EYS: variants seen among roughly 807,000 people sequenced by gnomAD.
EYS encodes EGF-like photoreceptor maintenance factor.
In EYS, 250 loss-of-function variants were observed where a neutral mutation model predicts 282.1. The observed-to-expected ratio is 0.89, with a 90% CI of 0.80 to 0.98. The LOEUF is 0.98. EYS is among the 50% of genes least tolerant of loss of function. The probability of loss-of-function intolerance (pLI) is 0.00; values close to 1 mark genes in which losing one functional copy is unlikely to be tolerated. For synonymous variants in EYS, 1,355 were observed against 1,282.9 expected, an observed-to-expected ratio of 1.06 and a Z score of -1.20; for missense variants, 4,016 against 3,709.0, an observed-to-expected ratio of 1.08 and a Z score of -2.15.
At position 64,971,153 on chromosome 6, in the gene EYS, G is replaced by A. The variant is rs983723963; in HGVS notation, c.2260-25239C>T. 2.6e-5 allele frequency among the ~76,000 whole-genome samples: 4 copies of A among 152,148 alleles called. No individual in the cohort carries two copies. In the East Asian group the frequency reaches 7.7e-4, roughly 29 times the overall value. ...GGATGGCTTGATAATTTTAGGAAGA[G>A]TTTGGCTTAATACATTTCAAGATAA... On this transcript the variant is annotated intron_variant, in intron 14 of 42. Coordinates refer to ENST00000503581, the MANE Select transcript of EYS (RefSeq NM_001142800.2).
intron 36 of EYS, among the ~76,000 whole-genome samples, chr6:63,824,354 A>G (rs547388364): frequency 1.3e-5 from 2 of 152,218 alleles, no homozygotes; most frequent in Non-Finnish European, 2.9e-5. Flanking sequence ...GAAGATTTTT[A>G]CTGTGAGTGG....
At chr6:64,987,404 C>T (rs1323572589) in intron 14 of EYS, among the ~76,000 whole-genome samples, 1 of 151,580 alleles carries the variant, frequency 6.6e-6, no homozygotes, top group Admixed American at 6.6e-5. Context: ...CTCAACCTCA[C>T]CTTCTATTCA....
At chr6:65,011,732 C>T (rs956745439) in intron 13 of EYS, among the ~76,000 whole-genome samples, 3 of 152,176 alleles carry the variant, frequency 2.0e-5, no homozygotes, top group South Asian at 4.1e-4. Flanking sequence ...AAACAAGAGG[C>T]TTGCAACTTA....
intron 28 of EYS, among the ~76,000 whole-genome samples, chr6:64,409,125 T>G (rs548181907): frequency 6.6e-6 from 1 of 152,276 alleles, no homozygotes; most frequent in Non-Finnish European, 1.5e-5. Flanking sequence ...AGGATGTGAT[T>G]TCATTCCCTT....
chr6:63,982,711 A>T (rs893612595), intron 35 of EYS, among the ~76,000 whole-genome samples: 1 of 151,726 alleles, frequency 6.6e-6, no homozygotes, highest in African/African-American at 2.4e-5. Flanking sequence ...CACAGGTTTC[A>T]CCCACAGTCA....
intron 24 of EYS, among the ~76,000 whole-genome samples, chr6:64,611,287 G>A (rs1767108962): frequency 6.8e-6 from 1 of 147,764 alleles, no homozygotes; most frequent in Admixed American, 6.6e-5. Context: ...CCACTATGTG[G>A]TGCAGATTAA....
At chr6:64,939,314 A>G (rs1769012957) in intron 15 of EYS, among the ~76,000 whole-genome samples, 1 of 151,892 alleles carries the variant, frequency 6.6e-6, no homozygotes, top group African/African-American at 2.4e-5. Context: ...CAAATAATAT[A>G]TCAAAAATCT....
chr6:64,841,948 T>G (rs1426279644), intron 19 of EYS, among the ~76,000 whole-genome samples: 1 of 152,060 alleles, frequency 6.6e-6, no homozygotes, highest in Non-Finnish European at 1.5e-5. Flanking sequence ...ATCAAGCAAG[T>G]GATGGAAATG....
intron 12 of EYS, among the ~76,000 whole-genome samples, chr6:65,131,394 C>G: frequency 6.6e-6 from 1 of 151,538 alleles, no homozygotes. Context: ...GATCACAGCA[C>G]AATAAAAAAT....
chr6:65,411,468 A>G (rs1767008723), intron 5 of EYS, among the ~76,000 whole-genome samples: 1 of 152,100 alleles, frequency 6.6e-6, no homozygotes, highest in South Asian at 2.1e-4. Context: ...TAACTATAAC[A>G]CTATATCAAA....
At chr6:64,992,031 T>A (rs1771082765) in intron 14 of EYS, among the ~76,000 whole-genome samples, 1 of 151,748 alleles carries the variant, frequency 6.6e-6, no homozygotes, top group African/African-American at 2.4e-5. Flanking sequence ...TTATAAATTA[T>A]CTAAATGCCT....
At chr6:64,045,722 C>T (rs908364809) in intron 33 of EYS, among the ~76,000 whole-genome samples, 24 of 151,082 alleles carry the variant, frequency 1.6e-4, no homozygotes, top group Non-Finnish European at 3.1e-4. Context: ...GCTGGGATTA[C>T]AGGCGTGAGC....
chr6:64,423,781 C>T (rs951516275), intron 28 of EYS, among the ~76,000 whole-genome samples: 1 of 152,092 alleles, frequency 6.6e-6, no homozygotes, highest in East Asian at 1.9e-4. Context: ...GCACTCCAGC[C>T]TGGACGACAG....
intron 35 of EYS, among the ~76,000 whole-genome samples, chr6:63,869,243 C>T (rs1017628881): frequency 6.6e-6 from 1 of 152,020 alleles, no homozygotes; most frequent in Admixed American, 6.6e-5. Context: ...AATGGAAAAT[C>T]CATAAACAAT....
intron 22 of EYS, among the ~76,000 whole-genome samples, chr6:64,645,931 C>T (rs1364327008): frequency 1.3e-5 from 2 of 152,130 alleles, no homozygotes; most frequent in African/African-American, 4.8e-5. Context: ...CTATTCTTAT[C>T]ACAAAAGTAT....
At chr6:65,363,394 T>G (rs2150335703) in intron 8 of EYS, among the ~76,000 whole-genome samples, 1 of 151,944 alleles carries the variant, frequency 6.6e-6, no homozygotes, top group East Asian at 1.9e-4. Flanking sequence ...ATATATAGCT[T>G]TAGGTTCAAG....
chr6:64,168,703 A>G (rs1297233506), intron 31 of EYS, among the ~76,000 whole-genome samples: 1 of 152,212 alleles, frequency 6.6e-6, no homozygotes, highest in African/African-American at 2.4e-5. Flanking sequence ...AGGAAAACTT[A>G]TGGTCATAAA....
At chr6:64,452,219 C>G (rs910176825) in intron 26 of EYS, among the ~76,000 whole-genome samples, 6 of 151,876 alleles carry the variant, frequency 4.0e-5, no homozygotes, top group Non-Finnish European at 8.8e-5. Flanking sequence ...CAATAACAGA[C>G]AAACAGAGAG....
chr6:63,888,059 A>T (rs1267392679), intron 35 of EYS, among the ~76,000 whole-genome samples: 2 of 152,196 alleles, frequency 1.3e-5, no homozygotes, highest in Admixed American at 1.3e-4. Flanking sequence ...GCAGTGCCTC[A>T]AAGAAACTGT....
Sources: allele counts gnomAD v4.1 joint callset (sites outside exome capture counted in the v4.1 genomes callset), GRCh38; gene constraint gnomAD v4.1.1; transcripts MANE v1.5; gene names NCBI Gene and HGNC (gene_info 2026-07-23, HGNC 2026-07-21).